The following FER variants were observed in gnomAD, a reference collection of about 807,000 sequenced individuals.
The protein encoded by FER is FER tyrosine kinase.
FER carries 63 observed loss-of-function variants against 111.0 expected under a neutral mutation model. The ratio of observed to expected loss-of-function variants is 0.57; its 90% CI spans 0.46 to 0.70. The LOEUF (loss-of-function observed/expected upper bound fraction) is 0.70, where lower values mean the gene tolerates loss of function less well. Ranked by LOEUF, FER falls within the 30% of genes least tolerant of loss-of-function variation. FER has a pLI of 0.00. For synonymous variants in FER, 327 were observed against 313.9 expected (o/e 1.04, Z -0.44); for missense variants, 914 against 954.0 (o/e 0.96, Z 0.55).
chr5:108,931,117 C>T (rs1754606503), intron 10 of FER, among the ~76,000 whole-genome samples: 1 of 152,088 alleles, frequency 6.6e-6, no homozygotes, highest in Non-Finnish European at 1.5e-5. Flanking sequence ...AATAACAGGA[C>T]CTGCTATATA....
rs553478985 is a variant in FER at position 109,167,811 on chromosome 5, G to T, written c.2049-12936G>T. 6.6e-5 allele frequency among the ~76,000 whole-genome samples: 10 copies of T among 152,252 alleles called. No homozygotes were observed. In the East Asian group the frequency reaches 1.7e-3, roughly 27 times the overall value. On this transcript the variant is annotated intron_variant, in intron 17 of 19. Coordinates refer to ENST00000281092, the MANE Select transcript of FER (RefSeq NM_005246.4). Reference sequence around the variant, plus strand: ...GGGGAGGTACTTGTGGACTAGGATTGTTGCCTATAGTCTAGACAAGCAGGG... The same window carrying T: ...GGGGAGGTACTTGTGGACTAGGATTTTTGCCTATAGTCTAGACAAGCAGGG...
intron 1 of FER, among the ~76,000 whole-genome samples, chr5:108,754,682 G>A (rs1462275821): frequency 6.6e-6 from 1 of 152,116 alleles, no homozygotes; most frequent in Non-Finnish European, 1.5e-5. Flanking sequence ...TATTGTGACT[G>A]GAATAACACT....
intron 5 of FER, chr5:108,842,678 C>G (rs1761386125): frequency 6.6e-6 from 1 of 152,082 alleles, no homozygotes; most frequent in East Asian, 1.9e-4. Context: ...AAATGCAAAT[C>G]AAAACCACAA....
chr5:109,022,936 TTAATC>T (rs1363498138), intron 13 of FER, among the ~76,000 whole-genome samples: 1 of 152,120 alleles, frequency 6.6e-6, no homozygotes, highest in Admixed American at 6.6e-5. Context: ...AGCTTGGTTT[TTAATC>T]TAAGAGCAAT....
rs186099772 is a variant in FER, at chr5:109,101,049, C to T, written c.2048+530C>T. 1.0e-3 allele frequency among the ~76,000 whole-genome samples: 155 copies of T among 151,942 alleles called. No individual in the cohort carries two copies. In the Middle Eastern group the frequency reaches 0.014, roughly 13 times the overall value. On this transcript the variant is annotated intron_variant, in intron 17 of 19. Coordinates refer to ENST00000281092, the MANE Select transcript of FER (RefSeq NM_005246.4). Reference sequence around the variant, plus strand: ...TGGCATCGTATTGAGAAAATAAATACTAGTTATTTCAAAGGAGATTTTATG... The same window carrying T: ...TGGCATCGTATTGAGAAAATAAATATTAGTTATTTCAAAGGAGATTTTATG...
chr5:109,045,390 G>A (rs1213290109), intron 15 of FER, among the ~76,000 whole-genome samples: 2 of 151,142 alleles, frequency 1.3e-5, no homozygotes, highest in Non-Finnish European at 2.9e-5. Context: ...TTTCTCCAAA[G>A]TTACCTTTTT....
chr5:109,171,092 G>A (rs1335780921), intron 17 of FER, among the ~76,000 whole-genome samples: 1 of 152,156 alleles, frequency 6.6e-6, no homozygotes, highest in Non-Finnish European at 1.5e-5. Flanking sequence ...GTTGTGATTA[G>A]TAGAGTGTAA....
intron 14 of FER, among the ~76,000 whole-genome samples, chr5:109,038,482 G>A (rs181344229): frequency 2.0e-5 from 3 of 151,924 alleles, no homozygotes; most frequent in Non-Finnish European, 3.0e-5. Flanking sequence ...GTAAATCTCT[G>A]TTGAAATAAC....
chr5:109,090,765 A>G (rs1190566728), intron 16 of FER, among the ~76,000 whole-genome samples: 3 of 152,184 alleles, frequency 2.0e-5, no homozygotes, highest in East Asian at 3.8e-4. Context: ...AAACTCAAAG[A>G]TATGTCATTT....
chr5:108,827,841 T>TTTC (rs1554073127), intron 3 of FER, among the ~76,000 whole-genome samples: 16 of 148,742 alleles, frequency 1.1e-4, no homozygotes, highest in South Asian at 2.2e-4. Flanking sequence ...TTTTTTTTTT[T>TTTC]CCCCCAAGAC....
chr5:108,910,162 T>C (rs1430420532), intron 10 of FER, among the ~76,000 whole-genome samples: 1 of 152,154 alleles, frequency 6.6e-6, no homozygotes, highest in Non-Finnish European at 1.5e-5. Context: ...AGATTAAATA[T>C]AAATTTTTGT....
At chr5:108,813,952 A>G (rs995897000) in intron 3 of FER, among the ~76,000 whole-genome samples, 5 of 152,180 alleles carry the variant, frequency 3.3e-5, no homozygotes, top group African/African-American at 1.2e-4. Flanking sequence ...ACAGAAATCA[A>G]GTAGTTGGGC....
intron 13 of FER, among the ~76,000 whole-genome samples, chr5:109,002,043 C>T (rs1247230209): frequency 6.6e-6 from 1 of 151,734 alleles, no homozygotes; most frequent in East Asian, 1.9e-4. Context: ...AATGGCCATA[C>T]TGCCCAAGGT....
intron 13 of FER, among the ~76,000 whole-genome samples, chr5:109,010,455 C>G (rs529583200): frequency 2.4e-3 from 358 of 152,220 alleles, no homozygotes; most frequent in African/African-American, 8.2e-3. Context: ...CCGTGCCCAG[C>G]CTTTTTTATC....
intron 3 of FER, among the ~76,000 whole-genome samples, chr5:108,805,711 C>G (rs1375294122): frequency 6.6e-6 from 1 of 152,062 alleles, no homozygotes; most frequent in African/African-American, 2.4e-5. Context: ...TGCCCCTGCC[C>G]TAGAGATTTA....
chr5:108,786,825 A>AT (rs921177878), intron 2 of FER, among the ~76,000 whole-genome samples: 1 of 151,712 alleles, frequency 6.6e-6, no homozygotes, highest in African/African-American at 2.4e-5. Context: ...CTTAAACCCT[A>AT]TTTTTTTTCA....
chr5:108,958,269 A>G (rs913876670), intron 12 of FER, among the ~76,000 whole-genome samples: 4 of 151,768 alleles, frequency 2.6e-5, no homozygotes, highest in African/African-American at 9.7e-5. Context: ...AAGTAATGTC[A>G]GAATTTAGTC....
intron 17 of FER, among the ~76,000 whole-genome samples, chr5:109,127,453 G>C (rs142590124): frequency 0.012 from 1,860 of 152,154 alleles, 18 homozygotes; most frequent in Non-Finnish European, 0.017. Flanking sequence ...TGCCAGGCTG[G>C]AGTGCAGTGA....
chr5:108,785,109 G>GC, intron 2 of FER: 1 of 485,670 alleles, frequency 2.1e-6, no homozygotes, highest in South Asian at 2.8e-5. Flanking sequence ...GTCTCCTGTA[G>GC]CTGGGACAAG....
Sources: allele counts gnomAD v4.1 joint callset (sites outside exome capture counted in the v4.1 genomes callset), GRCh38; gene constraint gnomAD v4.1.1; transcripts MANE v1.5; gene names NCBI Gene and HGNC (gene_info 2026-07-23, HGNC 2026-07-21).